The following ZSWIM6 variants were observed in gnomAD, a reference collection of about 807,000 sequenced individuals.
The protein encoded by ZSWIM6 is zinc finger SWIM-type containing 6, also known as zinc finger SWIM domain-containing protein 6.
In ZSWIM6, 9 loss-of-function variants were observed where a neutral mutation model predicts 113.2. That is an observed-to-expected ratio of 0.08 (90% confidence interval 0.05 to 0.14). ZSWIM6 has a LOEUF of 0.14. Ranked by LOEUF, ZSWIM6 falls within the 10% of genes least tolerant of loss-of-function variation. The pLI is 1.00. For synonymous variants in ZSWIM6, 611 were observed against 606.5 expected, an observed-to-expected ratio of 1.01 and a Z score of -0.11; for missense variants, 1,162 against 1,552.2, an observed-to-expected ratio of 0.75 and a Z score of 4.22.
Position 61,543,156 on chromosome 5 carries a change from C to T in ZSWIM6, c.2786-299C>T, listed in dbSNP as rs1478448576. Among the ~76,000 whole-genome samples the T allele has an allele frequency of 3.9e-5, 6 of 152,130 alleles. No homozygotes were observed. Among genetic ancestry groups the T allele is most frequent in the Admixed American group, 1.3e-4 (2 of 15,260 alleles). On this transcript the variant is annotated intron_variant, in intron 13 of 13. Coordinates refer to ENST00000252744, the MANE Select transcript of ZSWIM6 (RefSeq NM_020928.2). This position sits in a 1 kb window ranked among gnomAD's most constrained non-coding sequence, Gnocchi z 4.3. The stretch of plus-strand genomic sequence containing the variant: ...CAGGAAGCCCCAGTGAAGTAGAACT[C>T]ATTAGCAAAAAGCCATTGTCTGAAA...
intron 4 of ZSWIM6, among the ~76,000 whole-genome samples, chr5:61,510,912 A>G (rs1580052655): frequency 6.6e-6 from 1 of 152,258 alleles, no homozygotes; most frequent in Non-Finnish European, 1.5e-5. Context: ...TTAAAGGGTT[A>G]CTATTTCAGA....
At chr5:61,447,553 T>C (rs1746987828) in intron 1 of ZSWIM6, among the ~76,000 whole-genome samples, 1 of 152,126 alleles carries the variant, frequency 6.6e-6, no homozygotes, top group South Asian at 2.1e-4. Flanking sequence ...GCTGTTTTTT[T>C]CTAGGCAGTC....
At chr5:61,349,895 A>T (rs545181325) in intron 1 of ZSWIM6, among the ~76,000 whole-genome samples, 8 of 152,222 alleles carry the variant, frequency 5.3e-5, no homozygotes, top group Non-Finnish European at 8.8e-5. Context: ...TCCCTCTCAC[A>T]GATGATATGC....
chr5:61,451,097 A>G (rs1056330503), intron 1 of ZSWIM6, among the ~76,000 whole-genome samples: 2 of 152,140 alleles, frequency 1.3e-5, no homozygotes, highest in African/African-American at 4.8e-5. Flanking sequence ...GCTTTGATTT[A>G]TGAGCAATTT....
chr5:61,478,102 T>C (rs1458743209), intron 2 of ZSWIM6, among the ~76,000 whole-genome samples: 1 of 152,204 alleles, frequency 6.6e-6, no homozygotes, highest in African/African-American at 2.4e-5. Context: ...ATTACTATCA[T>C]ACCCTTTCTA....
At chr5:61,373,250 A>T (rs1248138625) in intron 1 of ZSWIM6, among the ~76,000 whole-genome samples, 1 of 151,376 alleles carries the variant, frequency 6.6e-6, no homozygotes, top group Non-Finnish European at 1.5e-5. Flanking sequence ...ACCTGGCTCT[A>T]TTTACATTTA....
intron 1 of ZSWIM6, among the ~76,000 whole-genome samples, chr5:61,359,856 A>G (rs142020814): frequency 6.6e-6 from 1 of 152,296 alleles, no homozygotes; most frequent in African/African-American, 2.4e-5. Context: ...ACAAAACAAA[A>G]CACCAAAAAC....
At chr5:61,436,200 T>TAA (rs566126712) in intron 1 of ZSWIM6, among the ~76,000 whole-genome samples, 7 of 121,730 alleles carry the variant, frequency 5.8e-5, no homozygotes, top group East Asian at 2.3e-4. Context: ...AGACTCTGTC[T>TAA]AAAAAAAAAA....
chr5:61,352,325 C>T (rs1744804219), intron 1 of ZSWIM6, among the ~76,000 whole-genome samples: 1 of 152,160 alleles, frequency 6.6e-6, no homozygotes, highest in African/African-American at 2.4e-5. Flanking sequence ...TCCAGGAGAG[C>T]AGAAACTGTA....
intron 1 of ZSWIM6, among the ~76,000 whole-genome samples, chr5:61,382,869 GA>G (rs1002715298): frequency 2.0e-5 from 3 of 152,094 alleles, no homozygotes; most frequent in African/African-American, 7.2e-5. Context: ...AGTGCATGGG[GA>G]AGTAGGTAGG....
chr5:61,523,399 A>G (rs1338015480), intron 5 of ZSWIM6, among the ~76,000 whole-genome samples: 2 of 152,238 alleles, frequency 1.3e-5, no homozygotes, highest in East Asian at 3.8e-4. Context: ...CAACATTGCA[A>G]TCTATACCCT....
At chr5:61,435,178 C>G (rs1280963819) in intron 1 of ZSWIM6, among the ~76,000 whole-genome samples, 3 of 152,092 alleles carry the variant, frequency 2.0e-5, no homozygotes, top group African/African-American at 7.2e-5. Flanking sequence ...TACTTAAAAT[C>G]TTACTGTTTT....
At chr5:61,394,811 AC>A (rs1745806328) in intron 1 of ZSWIM6, among the ~76,000 whole-genome samples, 1 of 152,028 alleles carries the variant, frequency 6.6e-6, no homozygotes, top group Non-Finnish European at 1.5e-5. Context: ...TGAAACAGTT[AC>A]CCCCTTTTTC....
chr5:61,480,774 A>G (rs1441160111), intron 2 of ZSWIM6, among the ~76,000 whole-genome samples: 1 of 152,096 alleles, frequency 6.6e-6, no homozygotes, highest in African/African-American at 2.4e-5. Flanking sequence ...GAGTCGCTAA[A>G]GTTTGTTGTC....
At chr5:61,389,447 C>T (rs1023648760) in intron 1 of ZSWIM6, among the ~76,000 whole-genome samples, 4 of 146,576 alleles carry the variant, frequency 2.7e-5, no homozygotes, top group Non-Finnish European at 4.5e-5. Context: ...CCTGGCTACT[C>T]GGGAGGCTGA....
chr5:61,446,984 G>T (rs1432091046), intron 1 of ZSWIM6, among the ~76,000 whole-genome samples: 3 of 152,100 alleles, frequency 2.0e-5, no homozygotes, highest in Non-Finnish European at 4.4e-5. Context: ...ATCCTGTGAA[G>T]GCTATAAACC....
At chr5:61,525,695 A>ATGG (rs1749255258) in intron 5 of ZSWIM6, 105 bp from the exon 6 acceptor site, 1 of 1,324,568 alleles carries the variant, frequency 7.5e-7, no homozygotes. Context: ...GTGCAGGACA[A>ATGG]TGTGTGTGGG....
At chr5:61,504,451 G>A (rs534927828) in intron 4 of ZSWIM6, among the ~76,000 whole-genome samples, 34 of 152,296 alleles carry the variant, frequency 2.2e-4, no homozygotes, top group African/African-American at 6.7e-4. Flanking sequence ...TTCACTAATA[G>A]AATGAATTAG....
rs1448450872 is a variant in ZSWIM6, at chr5:61,472,691, G to A, written c.687G>A (p.Leu229=). 1.3e-6 allele frequency: 2 copies of A among 1,526,208 alleles called. No individual in the cohort carries two copies. The highest frequency in any genetic ancestry group is 2.0e-5 in the Admixed American group (1 of 49,314). The allele number at this position is 1,526,208 out of a possible 1,614,324, so 94.5% of individuals were successfully genotyped here. A position where few individuals can be genotyped will look rare whatever the true frequency, so the allele number is the denominator to read the frequency against. ...TCTTTCACCCTCAAGGTTTCCACTT[G>A]AGCGGCACAGTGACAGAACCTGCAA... ...VDNVLQVGFH[L]SGTVTEPAIQ... Residue 229 remains leucine, a synonymous_variant, in exon 2 of 14, where the codon TTG becomes TTA. Transcript: ENST00000252744. This position sits in a 1 kb window ranked among gnomAD's most constrained non-coding sequence, Gnocchi z 4.1.
Sources: gnomAD v4.1 joint callset for allele counts (sites outside exome capture counted in the v4.1 genomes callset) on GRCh38, gnomAD v4.1.1 for gene constraint, Gnocchi (gnomAD v3.1) non-coding constraint, MANE v1.5 for transcripts, NCBI Gene and HGNC (gene_info 2026-07-23, HGNC 2026-07-21) for gene names.